Variants in PELP1 observed in about 807,000 individuals in gnomAD.
PELP1 encodes proline-, glutamic acid- and leucine-rich protein 1.
In PELP1, 32 loss-of-function variants were observed where a neutral mutation model predicts 95.5. That is an observed-to-expected ratio of 0.34 (90% CI 0.25 to 0.45). The LOEUF (loss-of-function observed/expected upper bound fraction) is 0.45. Among genes scored for constraint, PELP1 ranks in the 20% least tolerant of loss-of-function variants. PELP1 has a pLI of 1.00. For synonymous variants in PELP1, 668 were observed against 600.1 expected, an observed-to-expected ratio of 1.11 and a Z score of -1.65; for missense variants, 1,358 against 1,444.8, an observed-to-expected ratio of 0.94 and a Z score of 0.97.
chr17:4,697,471 G>C (rs890688816), intron 1 of PELP1, among the ~76,000 whole-genome samples: 2 of 152,170 alleles, frequency 1.3e-5, no homozygotes, highest in Admixed American at 1.3e-4. Context: ...CTATGATCGC[G>C]CCACTGCACT....
At chr17:4,695,920 G>GC (rs1397384747) in intron 1 of PELP1, among the ~76,000 whole-genome samples, 1 of 151,100 alleles carries the variant, frequency 6.6e-6, no homozygotes, top group Non-Finnish European at 1.5e-5. Context: ...GCCCACCTTG[G>GC]CCTCCGAAAG....
intron 5 of PELP1, among the ~76,000 whole-genome samples, chr17:4,682,216 G>A (rs549783306): frequency 1.1e-4 from 17 of 152,244 alleles, no homozygotes; most frequent in African/African-American, 3.6e-4. Context: ...ATACAGAAAA[G>A]GCAAGGCAGA....
chr17:4,674,954 G>C lies in PELP1; in HGVS notation c.1277C>G (p.Thr426Arg). The C allele has an allele frequency of 1.9e-6, 3 of 1,610,100 alleles. No individual in the cohort carries two copies. Among genetic ancestry groups the C allele is most frequent in the Non-Finnish European group, 2.5e-6 (3 of 1,177,000 alleles). Reference protein sequence around the residue: ...LSPGQERPYSTVRTKVYAILE... With the variant: ...LSPGQERPYSRVRTKVYAILE... ...TATCGCATACACCTTGGTCCGAACC[G>C]TGCTGTGTCATGAGCAAAGATGGCA... Residue 426 changes from threonine to arginine, a missense_variant and splice_region_variant, in exon 12 of 17, where the codon ACG becomes AGG. Around this residue, in one of 7 missense-constraint regions of PELP1, gnomAD observed 538 missense variants for 628.1 expected, o/e 0.86. Transcript: ENST00000572293.
chr17:4,675,554 G>A lies in PELP1; in HGVS notation c.1069-192C>T, dbSNP rs773619658. ...GGATGGAAGGTAAGAAGGATGGCTG[G>A]GCCTCTCAGCAATGACTCAGCTGAT... On this transcript the variant is annotated intron_variant, in intron 9 of 16. Coordinates refer to ENST00000572293, the MANE Select transcript of PELP1 (RefSeq NM_014389.3). This position sits in a 1 kb window ranked among gnomAD's most constrained non-coding sequence, Gnocchi z 4.3. 1.4e-6 allele frequency: 1 copy of A among 708,290 alleles called. No homozygotes were observed. Among genetic ancestry groups the A allele is most frequent in the South Asian group, 1.5e-5 (1 of 66,856 alleles). The allele number at this position is 708,290 out of a possible 1,614,324, so 43.9% of individuals were successfully genotyped here.
At chr17:4,697,507 C>T (rs1174780628) in intron 1 of PELP1, among the ~76,000 whole-genome samples, 1 of 152,136 alleles carries the variant, frequency 6.6e-6, no homozygotes, top group Non-Finnish European at 1.5e-5. Flanking sequence ...CAGCGAGACC[C>T]TGTCTCAATG....
At chr17:4,686,054 G>A (rs573021663) in intron 3 of PELP1, among the ~76,000 whole-genome samples, 146 of 152,066 alleles carry the variant, frequency 9.6e-4, no homozygotes, top group Admixed American at 1.3e-3. Context: ...CCGAGACCGC[G>A]CCACTGCACT....
Position 4,673,544 on chromosome 17 carries a change from T to C in PELP1, c.1638+75A>G. Reference sequence around the variant, plus strand: ...ACTCCCAGGTCGGAATGGACCCACCTCTGGGCCACACCCCCCAATGTGTAC... The same window carrying C: ...ACTCCCAGGTCGGAATGGACCCACCCCTGGGCCACACCCCCCAATGTGTAC... On this transcript the variant is annotated intron_variant, in intron 14 of 16. Transcript: ENST00000572293. The surrounding 1 kb of genome is among the most constrained non-coding windows in gnomAD (Gnocchi z 5.7). 6.4e-7 allele frequency: 1 copy of C among 1,572,538 alleles called. No individual in the cohort carries two copies. The highest frequency in any genetic ancestry group is 8.7e-7 in the Non-Finnish European group (1 of 1,142,920).
At chr17:4,690,451 G>C (rs1266009078) in intron 3 of PELP1, among the ~76,000 whole-genome samples, 1 of 152,140 alleles carries the variant, frequency 6.6e-6, no homozygotes, top group Non-Finnish European at 1.5e-5. Flanking sequence ...GCTGGGCACA[G>C]TGCCTCACAC....
At chr17:4,688,047 C>T (rs1391663745) in intron 3 of PELP1, among the ~76,000 whole-genome samples, 6 of 152,020 alleles carry the variant, frequency 3.9e-5, no homozygotes, top group South Asian at 2.1e-4. Flanking sequence ...AAATAAAGGG[C>T]GTCTAGGCCA....
In PELP1 at chr17:4,671,507, G is replaced by A; in HGVS notation, c.3325C>T (p.Leu1109=). 6.2e-7 allele frequency: 1 copy of A among 1,613,652 alleles called. No individual in the cohort carries two copies. Among genetic ancestry groups the A allele is most frequent in the African/African-American group, 1.3e-5 (1 of 75,038 alleles). ...EKEQDDTAAM[L]ADFIDCPPDD... ...GGGGGACAATCGATGAAGTCGGCCA[G>A]CATGGCAGCTGTGTCATCCTGCTCC... Residue 1109 remains leucine, a synonymous_variant, in exon 17 of 17, where the codon CTG becomes TTG. Transcript: ENST00000572293.
At chr17:4,689,318 A>G (rs1913012372) in intron 3 of PELP1, among the ~76,000 whole-genome samples, 1 of 152,226 alleles carries the variant, frequency 6.6e-6, no homozygotes, top group Non-Finnish European at 1.5e-5. Flanking sequence ...AAGCAACAAA[A>G]ACAAAGATAA....
In PELP1 at chr17:4,671,694, T is replaced by C. The variant is rs1383771826; in HGVS notation, c.3297A>G (p.Glu1099=). The C allele has an allele frequency of 1.3e-6, 2 of 1,573,678 alleles. No individual in the cohort carries two copies. Among genetic ancestry groups the C allele is most frequent in the Non-Finnish European group, 1.7e-6 (2 of 1,164,586 alleles). Residue 1099 remains glutamate, a synonymous_variant, in exon 16 of 17, where the codon GAA becomes GAG. Transcript: ENST00000572293. ...CCTTCCCTGCCTGGCCTCTCACCTT[T>C]TCCTGGAGAGCTTCGGCCTCTGTCT... ...ETETEAEALQ[E]KEQDDTAAML...
chr17:4,675,662 T>C lies in PELP1; in HGVS notation c.1068+135A>G. On this transcript the variant is annotated intron_variant, in intron 9 of 16. Coordinates refer to ENST00000572293, the MANE Select transcript of PELP1 (RefSeq NM_014389.3). This position sits in a 1 kb window ranked among gnomAD's most constrained non-coding sequence, Gnocchi z 4.3. ...TGTCACGACACATAGGAAGTGATGTTATTTGGACAAAAGTAGGAAGCTCTC... is the reference window on the plus strand; with the variant it reads ...TGTCACGACACATAGGAAGTGATGTCATTTGGACAAAAGTAGGAAGCTCTC... The C allele has an allele frequency of 1.4e-6, 1 of 738,914 alleles. No individual in the cohort carries two copies. The highest frequency in any genetic ancestry group is 2.5e-6 in the Non-Finnish European group (1 of 405,496). 45.8% of individuals were successfully genotyped at this position (738,914 alleles called of 1,614,324 possible).
rs1912419600 is a variant in PELP1, at chr17:4,675,361, C to G, written c.1070G>C (p.Ser357Thr). Reference protein sequence around the residue: ...RTLSVSSKNISLHGDGPLRLL... With the variant: ...RTLSVSSKNITLHGDGPLRLL... ...CCGCAGGGGACCATCTCCATGCAAG[C>G]TCTGGAGAAAAAAGGGGCAGAGATA... The change falls in exon 10 of 17, where the codon AGC becomes ACC. Residue 357 changes from serine (S) to threonine (T), a missense_variant and splice_region_variant. By Grantham distance (58) the Ser-to-Thr change is moderately conservative. Around this residue, in one of 7 missense-constraint regions of PELP1, gnomAD observed 538 missense variants for 628.1 expected, o/e 0.86. Coordinates refer to ENST00000572293, the MANE Select transcript of PELP1 (RefSeq NM_014389.3). The surrounding 1 kb of genome is among the most constrained non-coding windows in gnomAD (Gnocchi z 4.3). The G allele has an allele frequency of 6.6e-7, 1 of 1,517,476 alleles. No homozygotes were observed. Among genetic ancestry groups the G allele is most frequent in the Non-Finnish European group, 9.0e-7 (1 of 1,116,532 alleles). 94.0% of individuals were successfully genotyped at this position (1,517,476 alleles called of 1,614,324 possible). A position where few individuals can be genotyped will look rare whatever the true frequency, so the allele number is the denominator to read the frequency against.
intron 4 of PELP1, 64 bp from the exon 5 acceptor site, chr17:4,682,637 C>T: frequency 5.4e-6 from 8 of 1,476,992 alleles, no homozygotes; most frequent in Non-Finnish European, 7.6e-6. Flanking sequence ...TTCCATCTCC[C>T]CCAGCACCCC....
intron 3 of PELP1, 40 bp from the exon 4 acceptor site, chr17:4,682,992 T>C: frequency 7.0e-7 from 1 of 1,430,414 alleles, no homozygotes; most frequent in South Asian, 1.6e-5. Flanking sequence ...CAGCCTCACC[T>C]TGATTGTCAC....
chr17:4,682,906 C>G lies in PELP1; in HGVS notation c.467G>C (p.Arg156Thr). The stretch of plus-strand genomic sequence containing the variant: ...CTGGGCTGCATATCGGAGGAGGTCC[C>G]TCAGGACAGCCACGGCCAGCTCCAT... ...ATMELAVAVLRDLLRYAAQLP... is the reference protein window; with the variant it reads ...ATMELAVAVLTDLLRYAAQLP... The change falls in exon 4 of 17, where the codon AGG becomes ACG. Residue 156 changes from arginine (R) to threonine (T), a missense_variant. Around this residue, in one of 7 missense-constraint regions of PELP1, gnomAD observed 538 missense variants for 628.1 expected, o/e 0.86. Coordinates refer to ENST00000572293, the MANE Select transcript of PELP1 (RefSeq NM_014389.3). 6.3e-7 allele frequency: 1 copy of G among 1,578,932 alleles called. No individual in the cohort carries two copies. The highest frequency in any genetic ancestry group is 8.6e-7 in the Non-Finnish European group (1 of 1,165,442).
chr17:4,703,688 G>A (rs1452591061), intron 1 of PELP1, among the ~76,000 whole-genome samples, 175 bp downstream of exon 1: 1 of 152,190 alleles, frequency 6.6e-6, no homozygotes, highest in Non-Finnish European at 1.5e-5. Context: ...GAAACTCATG[G>A]CCGATAAAGG....
At chr17:4,697,108 A>G (rs1047388970) in intron 1 of PELP1, among the ~76,000 whole-genome samples, 2 of 152,182 alleles carry the variant, frequency 1.3e-5, no homozygotes, top group East Asian at 3.8e-4. Flanking sequence ...AGAGAAGAGA[A>G]ACAGTGCAAG....
Sources: allele counts gnomAD v4.1 joint callset (sites outside exome capture counted in the v4.1 genomes callset), GRCh38; gene constraint gnomAD v4.1.1; regional missense constraint gnomAD v4.1.1; non-coding constraint Gnocchi (gnomAD v3.1); transcripts MANE v1.5; gene names NCBI Gene and HGNC (gene_info 2026-07-23, HGNC 2026-07-21).